AKAP13: variants seen among roughly 807,000 people sequenced by gnomAD.
AKAP13 encodes A-kinase anchor protein 13.
In AKAP13, 80 loss-of-function variants were observed where a neutral mutation model predicts 264.5. The observed-to-expected ratio is 0.30, with a 90% CI of 0.25 to 0.36. The LOEUF (loss-of-function observed/expected upper bound fraction) is 0.36. AKAP13 is among the 10% of genes least tolerant of loss of function. The pLI, the probability that AKAP13 is intolerant of heterozygous loss-of-function variation, is 1.00. For missense variants in AKAP13, 3,712 were observed against 3,435.2 expected (o/e 1.08, Z -2.01); for synonymous variants, 1,380 against 1,250.2 (o/e 1.10, Z -2.19).
intron 5 of AKAP13, among the ~76,000 whole-genome samples, chr15:85,564,162 GTAA>G (rs946192565): frequency 6.6e-6 from 1 of 151,958 alleles, no homozygotes; most frequent in Non-Finnish European, 1.5e-5. Flanking sequence ...CCTTTAGTAA[GTAA>G]TAATAACAGA....
intron 14 of AKAP13, among the ~76,000 whole-genome samples, chr15:85,673,890 A>T (rs1018382672): frequency 3.0e-4 from 45 of 150,844 alleles, no homozygotes; most frequent in Non-Finnish European, 2.4e-4. Context: ...ATGGGGTTTT[A>T]CCATGTTAGC....
At chr15:85,508,829 G>T (rs79451548) in intron 2 of AKAP13, among the ~76,000 whole-genome samples, 2,892 of 152,132 alleles carry the variant, frequency 0.019, 41 homozygotes, top group Middle Eastern at 0.037. Context: ...CCTTGCACTC[G>T]ATATATTCCC....
At chr15:85,703,797 C>T (rs921977811) in intron 17 of AKAP13, among the ~76,000 whole-genome samples, 1 of 150,272 alleles carries the variant, frequency 6.7e-6, no homozygotes, top group South Asian at 2.1e-4. Context: ...GAGCCAAGAT[C>T]GTACCACTGC....
At chr15:85,409,434 T>C (rs2071835875) in intron 1 of AKAP13, among the ~76,000 whole-genome samples, 1 of 151,708 alleles carries the variant, frequency 6.6e-6, no homozygotes, top group Non-Finnish European at 1.5e-5. Flanking sequence ...TGCCTCGGCC[T>C]CCCAAAGTGC....
chr15:85,419,804 C>A (rs1370908949), intron 1 of AKAP13, among the ~76,000 whole-genome samples: 2 of 151,914 alleles, frequency 1.3e-5, no homozygotes, highest in African/African-American at 4.8e-5. Context: ...AAGTAGGGCA[C>A]AGAGAAGGGA....
chr15:85,559,595 G>C (rs1387384277), intron 5 of AKAP13, among the ~76,000 whole-genome samples: 1 of 152,130 alleles, frequency 6.6e-6, no homozygotes, highest in Non-Finnish European at 1.5e-5. Context: ...GGGGTGATGG[G>C]AGACAGTGAC....
chr15:85,702,650 C>A (rs531510619), intron 17 of AKAP13: 91 of 152,290 alleles, frequency 6.0e-4, no homozygotes, highest in African/African-American at 2.1e-3. Flanking sequence ...TGCATAGTCA[C>A]CTTTGACTTG....
intron 1 of AKAP13, among the ~76,000 whole-genome samples, chr15:85,464,557 ATAAT>A (rs1252257859): frequency 6.6e-6 from 1 of 152,170 alleles, no homozygotes; most frequent in Non-Finnish European, 1.5e-5. Context: ...TAGTTTTTGT[ATAAT>A]TATTCTGTTT....
At chr15:85,680,707 A>T (rs1261198471) in intron 14 of AKAP13, among the ~76,000 whole-genome samples, 1 of 152,200 alleles carries the variant, frequency 6.6e-6, no homozygotes, top group African/African-American at 2.4e-5. Flanking sequence ...TCTAAAAAAA[A>T]TTTGTAACAA....
chr15:85,602,735 G>T (rs188975664), intron 8 of AKAP13, among the ~76,000 whole-genome samples: 3 of 152,092 alleles, frequency 2.0e-5, no homozygotes, highest in Non-Finnish European at 2.9e-5. Context: ...TGATCCGCCC[G>T]CCTCAGCTTC....
Position 85,658,536 on chromosome 15 carries a change from G to A in AKAP13, c.4746-1G>A, listed in dbSNP as rs1241681036. 1 of 1,613,690 alleles carries A rather than the reference G, an allele frequency of 6.2e-7. No individual in the cohort carries two copies. Among genetic ancestry groups the A allele is most frequent in the Non-Finnish European group, 8.5e-7 (1 of 1,179,840 alleles). ...CTGACCTCTTCACCATTCATTTTCA[G>A]TTCAATGCGAGTTCTTGGGGATGTT... On this transcript the variant is annotated splice_acceptor_variant, in intron 11 of 36. Transcript: ENST00000394518. LOFTEE classifies it high-confidence loss of function.
intron 36 of AKAP13, chr15:85,744,216 G>A (rs960471680): frequency 2.7e-5 from 8 of 295,230 alleles, no homozygotes; most frequent in Non-Finnish European, 4.4e-5. Context: ...CCCAAGAGAA[G>A]TGAGGAAACT....
At chr15:85,399,963 C>A (rs1430113284) in intron 1 of AKAP13, among the ~76,000 whole-genome samples, 2 of 152,222 alleles carry the variant, frequency 1.3e-5, no homozygotes, top group East Asian at 3.9e-4. Flanking sequence ...TTATTTATTT[C>A]ATTATTATTT....
At chr15:85,674,961 TATTAA>T (rs1475785432) in intron 14 of AKAP13, among the ~76,000 whole-genome samples, 1 of 152,168 alleles carries the variant, frequency 6.6e-6, no homozygotes, top group Non-Finnish European at 1.5e-5. Flanking sequence ...TTGACATTTT[TATTAA>T]ATTGTAAGAC....
At chr15:85,597,587 G>C (rs1031015326) in intron 8 of AKAP13, among the ~76,000 whole-genome samples, 3 of 152,128 alleles carry the variant, frequency 2.0e-5, no homozygotes, top group African/African-American at 7.2e-5. Flanking sequence ...TGGTTGATGA[G>C]CTGTGTGCAT....
intron 9 of AKAP13, among the ~76,000 whole-genome samples, chr15:85,641,555 G>A (rs549801293): frequency 3.3e-5 from 5 of 151,132 alleles, no homozygotes; most frequent in South Asian, 4.2e-4. Context: ...GCACAATCTC[G>A]GCTCACTGCA....
chr15:85,715,731 G>A, intron 19 of AKAP13, 57 bp from the exon 20 acceptor site: 1 of 1,515,866 alleles, frequency 6.6e-7, no homozygotes. Flanking sequence ...TGTCAGATGG[G>A]TCAGTACCAG....
At chr15:85,698,182 T>C (rs936147226) in intron 17 of AKAP13, among the ~76,000 whole-genome samples, 5 of 152,064 alleles carry the variant, frequency 3.3e-5, no homozygotes, top group Non-Finnish European at 5.9e-5. Flanking sequence ...AGAGAGAATA[T>C]AAGGGCCAGG....
intron 16 of AKAP13, 173 bp downstream of exon 16, chr15:85,685,046 G>A (rs184163771): frequency 1.3e-6 from 1 of 783,032 alleles, no homozygotes. Flanking sequence ...ATAGCAAGAA[G>A]TGGAACTACC....
Sources: allele counts gnomAD v4.1 joint callset (sites outside exome capture counted in the v4.1 genomes callset), GRCh38; gene constraint gnomAD v4.1.1; transcripts MANE v1.5; gene names NCBI Gene and HGNC (gene_info 2026-07-23, HGNC 2026-07-21).